The following NEK3 variants were observed in gnomAD, a reference collection of about 807,000 sequenced individuals.
NEK3 encodes the protein NIMA related kinase 3.
NEK3 carries 54 observed loss-of-function variants against 66.0 expected under a neutral mutation model. The ratio of observed to expected loss-of-function variants is 0.82; its 90% CI spans 0.66 to 1.03. NEK3 has a LOEUF of 1.03. Among genes scored for constraint, NEK3 ranks in the 50% least tolerant of loss-of-function variants. The pLI, the probability that NEK3 is intolerant of heterozygous loss-of-function variation, is 0.00. For synonymous variants in NEK3, 200 were observed against 206.2 expected (o/e 0.97, Z 0.26); for missense variants, 593 against 603.0 (o/e 0.98, Z 0.17).
At chr13:52,143,209 G>A (rs1399337923) in intron 10 of NEK3, among the ~76,000 whole-genome samples, 1 of 152,036 alleles carries the variant, frequency 6.6e-6, no homozygotes, top group Non-Finnish European at 1.5e-5. Context: ...CTAGCTACTT[G>A]GGAGGCTGAG....
chr13:52,156,111 AT>A lies in NEK3; in HGVS notation c.80del (p.Asn27IlefsTer6), dbSNP rs1337542281. On this transcript the variant is annotated frameshift_variant, in exon 2 of 16. Transcript: ENST00000610828. LOFTEE classifies it high-confidence loss of function. ...TTATTTCTTTCATGGCAAACATCTG[AT>A]TACTGCTTTCATGCTGAACCAAAAG... ...RALLVQHESS[N>X]QMFAMKEIRL... The A allele has an allele frequency of 6.2e-7, 1 of 1,607,450 alleles. No homozygotes were observed. The highest frequency in any genetic ancestry group is 1.7e-5 in the Admixed American group (1 of 59,190).
In NEK3 at chr13:52,136,168, A is replaced by C; in HGVS notation, c.1122T>G (p.Ala374=). 1 of 1,613,822 alleles carries C rather than the reference A, an allele frequency of 6.2e-7. No homozygotes were observed. The highest frequency in any genetic ancestry group is 8.5e-7 in the Non-Finnish European group (1 of 1,179,748). ...AGGTGAGTATGGATGCATTTTCCAAAGCTGTAAGAGCTGTATTGGGTACAT... is the reference window on the plus strand; with the variant it reads ...AGGTGAGTATGGATGCATTTTCCAACGCTGTAAGAGCTGTATTGGGTACAT... The part of the protein sequence containing the change: ...EKNVPNTALT[A]LENASILTSS... Residue 374 remains alanine, a synonymous_variant, in exon 13 of 16, where the codon GCT becomes GCG. Coordinates refer to ENST00000610828, the MANE Select transcript of NEK3 (RefSeq NM_002498.3).
chr13:52,142,172 G>C (rs1249919316), intron 10 of NEK3, among the ~76,000 whole-genome samples: 1 of 151,338 alleles, frequency 6.6e-6, no homozygotes, highest in African/African-American at 2.4e-5. Flanking sequence ...TTTTTTTCTT[G>C]CCCAGCATTT....
In NEK3 at chr13:52,151,013, T is replaced by A. The variant is rs1039912890; in HGVS notation, c.548+133A>T. On this transcript the variant is annotated intron_variant, in intron 7 of 15. Transcript: ENST00000610828. The stretch of plus-strand genomic sequence containing the variant: ...ATATAGATTCCAGATATATTTCTGC[T>A]TTCAGATATATTTCTTAGAAACCAA... 10 of 682,302 alleles carry A rather than the reference T, an allele frequency of 1.5e-5. No individual in the cohort carries two copies. The Admixed American group carries it at 2.8e-4, about 19-fold the overall frequency. 42.3% of individuals were successfully genotyped at this position (682,302 alleles called of 1,614,324 possible).
Position 52,136,233 on chromosome 13 carries a change from C to T in NEK3, c.1057G>A (p.Ala353Thr). Residue 353 changes from alanine to threonine, a missense_variant, in exon 13 of 16, where the codon GCC becomes ACC. By Grantham distance (58) the Ala-to-Thr change is moderately conservative (BLOSUM62 0). Coordinates refer to ENST00000610828, the MANE Select transcript of NEK3 (RefSeq NM_002498.3). ...KGNKSVHLRK[A>T]SSPNLHRRQW... ...CGTCTATGAAGATTTGGTGAACTGGCTTTCCTCAGATGGACTGACTTATTA... is the reference window on the plus strand; with the variant it reads ...CGTCTATGAAGATTTGGTGAACTGGTTTTCCTCAGATGGACTGACTTATTA... The T allele has an allele frequency of 6.2e-7, 1 of 1,613,730 alleles. No individual in the cohort carries two copies. The highest frequency in any genetic ancestry group is 8.5e-7 in the Non-Finnish European group (1 of 1,179,728).
chr13:52,158,125 C>T (rs1956410494), intron 1 of NEK3, among the ~76,000 whole-genome samples: 1 of 152,226 alleles, frequency 6.6e-6, no homozygotes, highest in Non-Finnish European at 1.5e-5. Context: ...GATCCGCCCG[C>T]CTCGGCCTCC....
At chr13:52,146,356 A>C (rs1956295751) in intron 8 of NEK3, among the ~76,000 whole-genome samples, 1 of 152,228 alleles carries the variant, frequency 6.6e-6, no homozygotes, top group Non-Finnish European at 1.5e-5. Flanking sequence ...ATAATGACAA[A>C]TACTACTGAA....
chr13:52,141,946 G>A (rs896046854), intron 10 of NEK3, among the ~76,000 whole-genome samples: 8 of 151,410 alleles, frequency 5.3e-5, no homozygotes, highest in African/African-American at 1.9e-4. Flanking sequence ...AATTAGCCAG[G>A]TATGGTGGCG....
At chr13:52,150,794 TTTAA>T (rs1956338144) in intron 7 of NEK3, among the ~76,000 whole-genome samples, 1 of 152,204 alleles carries the variant, frequency 6.6e-6, no homozygotes, top group South Asian at 2.1e-4. Flanking sequence ...GCCATTTTGA[TTTAA>T]TTAGTGTAGA....
At chr13:52,137,019 T>C in intron 11 of NEK3, 117 bp from the exon 12 acceptor site, 1 of 604,258 alleles carries the variant, frequency 1.7e-6, no homozygotes, top group Non-Finnish European at 2.7e-6. Context: ...TTAAAATACA[T>C]GAATAATCAT....
At chr13:52,150,874 T>C (rs1205490427) in intron 7 of NEK3, among the ~76,000 whole-genome samples, 1 of 152,232 alleles carries the variant, frequency 6.6e-6, no homozygotes, top group African/African-American at 2.4e-5. Context: ...ATATAATTCA[T>C]ACCGTCCCTA....
intron 8 of NEK3, among the ~76,000 whole-genome samples, chr13:52,145,192 GTAA>G (rs1288153582): frequency 6.6e-6 from 1 of 152,088 alleles, no homozygotes; most frequent in Non-Finnish European, 1.5e-5. Context: ...GAAAATCAAA[GTAA>G]TATATACACA....
chr13:52,152,367 A>C (rs1426004796), intron 5 of NEK3, among the ~76,000 whole-genome samples: 2 of 152,104 alleles, frequency 1.3e-5, no homozygotes, highest in African/African-American at 2.4e-5. Context: ...ACCTTGATTT[A>C]ATCATTTTAC....
chr13:52,153,149 G>A (rs939077997), intron 4 of NEK3, among the ~76,000 whole-genome samples: 1 of 151,898 alleles, frequency 6.6e-6, no homozygotes, highest in African/African-American at 2.4e-5. Context: ...CTGCTTATAA[G>A]TCCAAGGTCA....
chr13:52,144,884 G>A lies in NEK3; in HGVS notation c.611C>T (p.Ala204Val), dbSNP rs1482806352. ...ELCTLKHPFQ[A>V]NSWKNLILKV... The stretch of plus-strand genomic sequence containing the variant: ...GAGGATAAGATTTTTCCAACTATTT[G>A]CCTGAAACTGAAAAGGAAAATTGAA... The change falls in exon 9 of 16, where the codon GCA becomes GTA. Residue 204 changes from alanine to valine, a missense_variant. Coordinates refer to ENST00000610828, the MANE Select transcript of NEK3 (RefSeq NM_002498.3). 1 of 1,596,104 alleles carries A rather than the reference G, an allele frequency of 6.3e-7. No individual in the cohort carries two copies. Among genetic ancestry groups the A allele is most frequent in the African/African-American group, 1.3e-5 (1 of 74,672 alleles).
At position 52,154,012 on chromosome 13, in the gene NEK3, T is replaced by C. The variant is rs571876649; in HGVS notation, c.212-20A>G. 5 of 1,606,602 alleles carry C rather than the reference T, an allele frequency of 3.1e-6. No individual in the cohort carries two copies. In the South Asian group the frequency reaches 5.5e-5, roughly 18 times the overall value. ...CTTCAGCTAAAACAGATATAAGCTCTTTAGAAAAGCTGTAGTGGCTATAAA... is the reference window on the plus strand; with the variant it reads ...CTTCAGCTAAAACAGATATAAGCTCCTTAGAAAAGCTGTAGTGGCTATAAA... On this transcript the variant is annotated intron_variant, in intron 3 of 15. Transcript: ENST00000610828.
At position 52,135,785 on chromosome 13, in the gene NEK3, A is replaced by C; in HGVS notation, c.1253T>G (p.Ile418Ser). ...LKETPDTLLNILKNADLSLAF... is the reference protein window; with the variant it reads ...LKETPDTLLNSLKNADLSLAF... ...CAAGCTGAGATCAGCATTCTTAAGG[A>C]TGTTCAACAAAGTGTCAGGGGTCTC... is the stretch of plus-strand genomic sequence containing the variant. The change falls in exon 14 of 16, where the codon ATC becomes AGC. Residue 418 changes from isoleucine to serine, a missense_variant. By Grantham distance (142) the Ile-to-Ser change is moderately radical. Coordinates refer to ENST00000610828, the MANE Select transcript of NEK3 (RefSeq NM_002498.3). 1 of 1,613,696 alleles carries C rather than the reference A, an allele frequency of 6.2e-7. No individual in the cohort carries two copies. The highest frequency in any genetic ancestry group is 8.5e-7 in the Non-Finnish European group (1 of 1,179,694).
intron 7 of NEK3, 63 bp downstream of exon 7, chr13:52,151,083 C>G (rs1411209871): frequency 9.4e-6 from 12 of 1,281,370 alleles, no homozygotes; most frequent in Non-Finnish European, 1.1e-5. Flanking sequence ...ACTCTAGCAT[C>G]ATTTGCAGGC....
In NEK3 at chr13:52,136,801, T is replaced by A; in HGVS notation, c.1029A>T (p.Lys343Asn). ...SALRRVNREE[K>N]GNKSVHLRKA... is the part of the protein sequence containing the mutation. ...ATGATTAGAATTTGAATAACTTACC[T>A]TTTTCTTCTCTGTTTACTCTTCTCA... Residue 343 changes from lysine (K) to asparagine (N), a missense_variant and splice_region_variant, in exon 12 of 16, where the codon AAA (lysine) becomes AAT (asparagine). Lys to Asn is a moderately conservative substitution (Grantham distance 94). Coordinates refer to ENST00000610828, the MANE Select transcript of NEK3 (RefSeq NM_002498.3). The A allele has an allele frequency of 6.5e-7, 1 of 1,543,078 alleles. No individual in the cohort carries two copies. The highest frequency in any genetic ancestry group is 8.8e-7 in the Non-Finnish European group (1 of 1,140,070).
Sources: gnomAD v4.1 joint callset for allele counts (sites outside exome capture counted in the v4.1 genomes callset) on GRCh38, gnomAD v4.1.1 for gene constraint, MANE v1.5 for transcripts, NCBI Gene and HGNC (gene_info 2026-07-23, HGNC 2026-07-21) for gene names.